The following IL7 variants were observed in gnomAD, a reference collection of about 807,000 sequenced individuals.
IL7 encodes the protein interleukin-7.
A neutral mutation model predicts 21.6 loss-of-function variants in IL7; 3 were observed. The ratio of observed to expected loss-of-function variants is 0.14; its 90% CI spans 0.06 to 0.36. The LOEUF (loss-of-function observed/expected upper bound fraction) is 0.36, where lower values mean the gene tolerates loss of function less well. Among genes scored for constraint, IL7 ranks in the 10% least tolerant of loss-of-function variants. IL7 has a pLI of 1.00. For missense variants in IL7, 175 were observed against 200.2 expected (o/e 0.87, Z 0.76); for synonymous variants, 62 against 68.1 (o/e 0.91, Z 0.44).
chr8:78,762,233 G>C (rs569282892), intron 2 of IL7: 10 of 1,577,622 alleles, frequency 6.3e-6, no homozygotes, highest in Middle Eastern at 2.2e-4. Flanking sequence ...ACAGATCATA[G>C]AGGTCTCAAA....
At chr8:78,783,720 T>C (rs1302090873) in intron 2 of IL7, among the ~76,000 whole-genome samples, 3 of 152,238 alleles carry the variant, frequency 2.0e-5, no homozygotes, top group Non-Finnish European at 4.4e-5. Context: ...TTCAACTATA[T>C]AACCTGTGAT....
At chr8:78,779,254 C>A (rs987632612) in intron 2 of IL7, among the ~76,000 whole-genome samples, 1 of 152,166 alleles carries the variant, frequency 6.6e-6, no homozygotes, top group African/African-American at 2.4e-5. Flanking sequence ...ATTGCCCTGG[C>A]CAGAACTTCC....
intron 3 of IL7, among the ~76,000 whole-genome samples, chr8:78,711,433 T>C (rs1361555357): frequency 2.0e-5 from 3 of 152,074 alleles, no homozygotes; most frequent in Non-Finnish European, 2.9e-5. Context: ...TTGTCATCCA[T>C]GTTTTTTTTT....
At chr8:78,752,855 T>C (rs1812220524) in intron 2 of IL7, among the ~76,000 whole-genome samples, 1 of 152,214 alleles carries the variant, frequency 6.6e-6, no homozygotes, top group Non-Finnish European at 1.5e-5. Flanking sequence ...TTTGGTTTTC[T>C]GTTCCTGTGT....
chr8:78,780,782 T>A (rs1178981617), intron 2 of IL7, among the ~76,000 whole-genome samples: 1 of 152,188 alleles, frequency 6.6e-6, no homozygotes, highest in Non-Finnish European at 1.5e-5. Flanking sequence ...TTCCTGAATA[T>A]CCTTGTTAAT....
At chr8:78,717,366 A>C, downstream of IL7, 1 of 1,613,272 alleles carries the variant, frequency 6.2e-7, no homozygotes, top group Non-Finnish European at 8.5e-7. Flanking sequence ...AATGGTGGAA[A>C]TATTAAAGGC....
chr8:78,680,122 G>A (rs1383337115), intron 4 of IL7, among the ~76,000 whole-genome samples: 1 of 151,898 alleles, frequency 6.6e-6, no homozygotes, highest in Non-Finnish European at 1.5e-5. Context: ...ATCTTGTGTG[G>A]TTATTGTAGG....
At chr8:78,797,131 T>C (rs182027048) in intron 2 of IL7, among the ~76,000 whole-genome samples, 3 of 152,058 alleles carry the variant, frequency 2.0e-5, no homozygotes, top group Admixed American at 2.0e-4. Flanking sequence ...TTCACATTGC[T>C]AAGTGAAAGA....
At chr8:78,765,858 A>G (rs1586083910) in intron 2 of IL7, among the ~76,000 whole-genome samples, 3 of 152,162 alleles carry the variant, frequency 2.0e-5, no homozygotes, top group Admixed American at 2.0e-4. Context: ...TTGTGGCCAC[A>G]CAAAACCCCC....
At chr8:78,757,335 T>C (rs1812380563) in intron 2 of IL7, among the ~76,000 whole-genome samples, 1 of 152,096 alleles carries the variant, frequency 6.6e-6, no homozygotes, top group South Asian at 2.1e-4. Flanking sequence ...ACGTTCCATG[T>C]GCTGGTGAAA....
At chr8:78,762,156 G>T (rs1377812047) in intron 2 of IL7, 16 of 1,594,664 alleles carry the variant, frequency 1.0e-5, no homozygotes, top group Non-Finnish European at 1.3e-5. Context: ...TTGTTCAAAT[G>T]ACTGTTAAGA....
chr8:78,801,980 G>A (rs1246555276), intron 1 of IL7, among the ~76,000 whole-genome samples: 1 of 152,170 alleles, frequency 6.6e-6, no homozygotes, highest in Non-Finnish European at 1.5e-5. Context: ...CCACCATCCT[G>A]AACTTTTCAT....
rs373751495 is a variant in IL7, at chr8:78,742,907, T to C, written c.148-2825A>G. ...CCCTCCATCCTCCAAAAAGCCCCAG[T>C]GTGTATTGTTCCCCTGTATGTGTCC... On this transcript the variant is annotated intron_variant, in intron 2 of 5. Transcript: ENST00000263851. 1.1e-4 allele frequency among the ~76,000 whole-genome samples: 17 copies of C among 152,210 alleles called. No homozygotes were observed. In the East Asian group the frequency reaches 3.3e-3, roughly 29 times the overall value.
chr8:78,690,559 CAA>C (rs36016408), intron 3 of IL7, among the ~76,000 whole-genome samples: 9 of 92,508 alleles, frequency 9.7e-5, no homozygotes, highest in Admixed American at 1.2e-4. Context: ...GAGACTGTCT[CAA>C]AAAAAAAAAA....
chr8:78,717,590 A>G (rs1586037747), downstream of IL7: 1 of 1,290,762 alleles, frequency 7.7e-7, no homozygotes. Flanking sequence ...TGTGCTAAAA[A>G]TACTCGAAAT....
chr8:78,803,089 T>TA (rs761364589), intron 1 of IL7, among the ~76,000 whole-genome samples: 6 of 152,192 alleles, frequency 3.9e-5, no homozygotes, highest in Non-Finnish European at 8.8e-5. Context: ...TTCCATTTTT[T>TA]AAAAAAATAT....
intron 3 of IL7, among the ~76,000 whole-genome samples, chr8:78,722,108 T>C (rs1811252145): frequency 6.6e-6 from 1 of 152,010 alleles, no homozygotes; most frequent in Admixed American, 6.6e-5. Flanking sequence ...TTATCTTTTA[T>C]ATTTTGTATA....
chr8:78,740,145 A>G (rs1811730645), intron 2 of IL7, 63 bp from the exon 3 acceptor site: 1 of 924,770 alleles, frequency 1.1e-6, no homozygotes, highest in Non-Finnish European at 1.5e-6. Context: ...TCTTGTAATT[A>G]TAAAAAATAA....
rs973390905 is a variant in IL7, at chr8:78,738,763, T to G, written c.229-128A>C. 76 of 728,234 alleles carry G rather than the reference T, an allele frequency of 1.0e-4. No homozygotes were observed. In the East Asian group the frequency reaches 1.7e-3, roughly 16 times the overall value. The allele number at this position is 728,234 out of a possible 1,614,324, so 45.1% of individuals were successfully genotyped here. On this transcript the variant is annotated intron_variant, in intron 3 of 5. Coordinates refer to ENST00000263851, the MANE Select transcript of IL7 (RefSeq NM_000880.4). The stretch of plus-strand genomic sequence containing the variant: ...GCCCCGCCTCCACCCCAGCTTTCTA[T>G]TCCAGTTAATCATGTGATTGACAAG...
Sources: allele counts gnomAD v4.1 joint callset (sites outside exome capture counted in the v4.1 genomes callset), GRCh38; gene constraint gnomAD v4.1.1; transcripts MANE v1.5; gene names NCBI Gene and HGNC (gene_info 2026-07-23, HGNC 2026-07-21).